The following UTP20 variants were observed in gnomAD, a reference collection of about 807,000 sequenced individuals.
UTP20 encodes the protein small subunit processome component 20 homolog.
UTP20 carries 164 observed loss-of-function variants against 329.5 expected under a neutral mutation model. The observed-to-expected ratio is 0.50, with a 90% confidence interval of 0.44 to 0.57. The LOEUF is 0.57. Among genes scored for constraint, UTP20 ranks in the 20% least tolerant of loss-of-function variants. The pLI, the probability that UTP20 is intolerant of heterozygous loss-of-function variation, is 0.00. For synonymous variants in UTP20, 1,151 were observed against 1,159.3 expected (o/e 0.99, Z 0.14); for missense variants, 3,055 against 3,284.2 (o/e 0.93, Z 1.71).
chr12:101,353,726 T>G (rs1869619295), intron 40 of UTP20, among the ~76,000 whole-genome samples: 1 of 152,050 alleles, frequency 6.6e-6, no homozygotes, highest in South Asian at 2.1e-4. Flanking sequence ...GAAATTAAAA[T>G]AAAATTTTTA....
chr12:101,361,732 A>G (rs566916536), intron 43 of UTP20, among the ~76,000 whole-genome samples: 7 of 152,322 alleles, frequency 4.6e-5, no homozygotes, highest in African/African-American at 1.7e-4. Context: ...TTTAGTCACA[A>G]CAATAGATCC....
At chr12:101,384,942 A>T (rs1417231558) in intron 60 of UTP20, among the ~76,000 whole-genome samples, 1 of 152,128 alleles carries the variant, frequency 6.6e-6, no homozygotes, top group Admixed American at 6.5e-5. Context: ...AACAGCAGGA[A>T]AGTTTTCAAG....
chr12:101,315,790 G>C (rs998827936), intron 21 of UTP20, among the ~76,000 whole-genome samples: 1 of 152,164 alleles, frequency 6.6e-6, no homozygotes, highest in African/African-American at 2.4e-5. Flanking sequence ...TATGGTGTTA[G>C]TAGCATATAA....
intron 29 of UTP20, among the ~76,000 whole-genome samples, chr12:101,337,095 G>T (rs1488098857): frequency 6.6e-6 from 1 of 152,208 alleles, no homozygotes; most frequent in African/African-American, 2.4e-5. Flanking sequence ...GGTCAAGTTT[G>T]CCTCTGAGCC....
chr12:101,374,152 G>A lies in UTP20; in HGVS notation c.7131+385G>A, dbSNP rs995121258. Among the ~76,000 whole-genome samples, 31 of 150,250 alleles carry A rather than the reference G, an allele frequency of 2.1e-4. No homozygotes were observed. In the East Asian group the frequency reaches 3.7e-3, roughly 18 times the overall value. The stretch of plus-strand genomic sequence containing the variant: ...TGGGAGGCTGAGGCAGGAGAATGGC[G>A]TGAACCCGGGAGGCGGAGCTTGCAG... On this transcript the variant is annotated intron_variant, in intron 54 of 61. Transcript: ENST00000261637.
In UTP20 at chr12:101,289,548, G is replaced by T. The variant is rs557927343; in HGVS notation, c.597+507G>T. On this transcript the variant is annotated intron_variant, in intron 6 of 61. Coordinates refer to ENST00000261637, the MANE Select transcript of UTP20 (RefSeq NM_014503.3). The stretch of plus-strand genomic sequence containing the variant: ...CTATTTTGAATTTATCTCACAGTAA[G>T]ACTTATTTGTTGCTCACAAATTGAT... Among the ~76,000 whole-genome samples, 3 of 152,076 alleles carry T rather than the reference G, an allele frequency of 2.0e-5. No homozygotes were observed. In the South Asian group the frequency reaches 6.2e-4, roughly 32 times the overall value.
rs750787167 is a variant in UTP20 at position 101,321,575 on chromosome 12, A to G, written c.2987A>G (p.Asp996Gly). 2 of 1,613,748 alleles carry G rather than the reference A, an allele frequency of 1.2e-6. No individual in the cohort carries two copies. The highest frequency in any genetic ancestry group is 1.1e-5 in the South Asian group (1 of 91,076). ...EEIVHFSISE[D>G]NAVVKTAHRA... ...ATAGTGCATTTTAGCATTTCAGAAG[A>G]TAATGCTGTAGTGAAAACAGCCCAC... is the stretch of plus-strand genomic sequence containing the variant. The change falls in exon 25 of 62, where the codon GAT (aspartate) becomes GGT (glycine). Residue 996 changes from aspartate (D) to glycine (G), a missense_variant. By Grantham distance (94) the Asp-to-Gly change is moderately conservative. Coordinates refer to ENST00000261637, the MANE Select transcript of UTP20 (RefSeq NM_014503.3).
chr12:101,302,745 T>C (rs1157266916), intron 15 of UTP20, among the ~76,000 whole-genome samples, 192 bp downstream of exon 15: 1 of 152,252 alleles, frequency 6.6e-6, no homozygotes, highest in Non-Finnish European at 1.5e-5. Flanking sequence ...TAAATACAGA[T>C]TCATCTTTGT....
intron 27 of UTP20, among the ~76,000 whole-genome samples, chr12:101,331,909 T>C (rs536744770): frequency 6.6e-6 from 1 of 152,154 alleles, no homozygotes; most frequent in South Asian, 2.1e-4. Flanking sequence ...TTTAACATTC[T>C]GTGCTAGGGA....
At chr12:101,380,435 GTC>G (rs1240985819) in intron 57 of UTP20, among the ~76,000 whole-genome samples, 1 of 152,104 alleles carries the variant, frequency 6.6e-6, no homozygotes. Context: ...TGATATATGT[GTC>G]TCTGGTTTCC....
At chr12:101,323,852 A>T (rs1868459847) in intron 25 of UTP20, among the ~76,000 whole-genome samples, 1 of 152,182 alleles carries the variant, frequency 6.6e-6, no homozygotes, top group Admixed American at 6.5e-5. Flanking sequence ...CCAGACTTTC[A>T]GCTGGACGCC....
chr12:101,329,996 T>TA (rs556922688), intron 27 of UTP20, among the ~76,000 whole-genome samples: 60 of 125,722 alleles, frequency 4.8e-4, no homozygotes, highest in Middle Eastern at 4.3e-3. Flanking sequence ...CTCTGCCTCT[T>TA]AAAAAAAAAA....
chr12:101,290,707 A>G, intron 7 of UTP20, 26 bp from the exon 8 acceptor site: 5 of 1,584,778 alleles, frequency 3.2e-6, no homozygotes, highest in Non-Finnish European at 4.3e-6. Context: ...TTTATATATT[A>G]ATGTTAATGA....
chr12:101,296,300 G>A lies in UTP20; in HGVS notation c.1430+642G>A, dbSNP rs187625156. Reference sequence around the variant, plus strand: ...AATAACCACACTCCTGGCCAGGCGCGGTGGCTCACGCCTGTAATCCCAGCA... The same window carrying A: ...AATAACCACACTCCTGGCCAGGCGCAGTGGCTCACGCCTGTAATCCCAGCA... On this transcript the variant is annotated intron_variant, in intron 12 of 61. Transcript: ENST00000261637. Among the ~76,000 whole-genome samples the A allele has an allele frequency of 2.0e-4, 30 of 152,270 alleles. No homozygotes were observed. In the East Asian group the frequency reaches 3.7e-3, roughly 19 times the overall value.
At chr12:101,345,512 C>A (rs1869293098) in intron 36 of UTP20, 42 bp from the exon 37 acceptor site, 1 of 1,272,974 alleles carries the variant, frequency 7.9e-7, no homozygotes, top group South Asian at 1.7e-5. Context: ...GAAACAAATT[C>A]TTTTTAAAAT....
Position 101,356,698 on chromosome 12 carries a change from G to GT in UTP20, c.5534+11dup. ...TATGGAAGCTAATCTGCCAAGGTAT[G>GT]TTTTTTAACAAATTAGAAGTTTAGT... On this transcript the variant is annotated splice_donor_region_variant and intron_variant, in intron 42 of 61. Coordinates refer to ENST00000261637, the MANE Select transcript of UTP20 (RefSeq NM_014503.3). 6.3e-7 allele frequency: 1 copy of GT among 1,599,122 alleles called. No homozygotes were observed. Among genetic ancestry groups the GT allele is most frequent in the Non-Finnish European group, 8.5e-7 (1 of 1,175,776 alleles).
rs1475938209 is a variant in UTP20 at position 101,363,697 on chromosome 12, T to C, written c.5912T>C (p.Phe1971Ser). ...GACTCTTATGAAATCCTCGGCAAGTTTGTAGGAAAAGATCAGGTTACAAAA... is the reference window on the plus strand; with the variant it reads ...GACTCTTATGAAATCCTCGGCAAGTCTGTAGGAAAAGATCAGGTTACAAAA... ...SYDSYEILGK[F>S]VGKDQVTKLI... Residue 1971 changes from phenylalanine (F) to serine (S), a missense_variant, in exon 45 of 62, where the codon TTT (phenylalanine) becomes TCT (serine). This residue lies in a region of UTP20 where 2,445 missense variants were observed against 2,575.5 expected (regional missense o/e 0.95). Transcript: ENST00000261637. 3 of 1,612,810 alleles carry C rather than the reference T, an allele frequency of 1.9e-6. No homozygotes were observed. Among genetic ancestry groups the C allele is most frequent in the Admixed American group, 3.3e-5 (2 of 59,990 alleles).
In UTP20 at chr12:101,292,074, G is replaced by A. The variant is rs11110737; in HGVS notation, c.1143G>A (p.Pro381=). The A allele has an allele frequency of 0.15, 250,031 of 1,613,302 alleles. 21,002 individuals are homozygous for A. Among genetic ancestry groups the A allele is most frequent in the Middle Eastern group, 0.19 (1,127 of 6,062 alleles). ...ALILGENVSL[P]ETLIKETIEK... is the part of the protein sequence containing the mutation. The stretch of plus-strand genomic sequence containing the variant: ...TCCTGGGTGAAAATGTTTCCTTGCC[G>A]GAGACCCTCATCAAAGAAACCATAG... Residue 381 remains proline, a synonymous_variant, in exon 10 of 62, where the codon CCG becomes CCA. Transcript: ENST00000261637.
At chr12:101,291,564 AC>A in intron 8 of UTP20, 177 bp from the exon 9 acceptor site, 1 of 314,362 alleles carries the variant, frequency 3.2e-6, no homozygotes, top group Admixed American at 5.1e-5. Flanking sequence ...AAAAAAAAAG[AC>A]TTAGAACAAT....
Sources: allele counts gnomAD v4.1 joint callset (sites outside exome capture counted in the v4.1 genomes callset), GRCh38; gene constraint gnomAD v4.1.1; regional missense constraint gnomAD v4.1.1; transcripts MANE v1.5; gene names NCBI Gene and HGNC (gene_info 2026-07-23, HGNC 2026-07-21).